The following MAPK8IP1 variants were observed in gnomAD, a reference collection of about 807,000 sequenced individuals.
MAPK8IP1 encodes the protein C-Jun-amino-terminal kinase-interacting protein 1.
In MAPK8IP1, 17 loss-of-function variants were observed where a neutral mutation model predicts 72.6. The observed-to-expected ratio is 0.23, with a 90% CI of 0.16 to 0.35. MAPK8IP1 has a LOEUF of 0.35. Ranked by LOEUF, MAPK8IP1 falls within the 10% of genes least tolerant of loss-of-function variation. The pLI is 1.00. For synonymous variants in MAPK8IP1, 401 were observed against 443.4 expected (o/e 0.90, Z 1.20); for missense variants, 789 against 1,009.7 (o/e 0.78, Z 2.96).
At chr11:45,891,837 GC>G (rs2086568674) in intron 1 of MAPK8IP1, among the ~76,000 whole-genome samples, 1 of 152,214 alleles carries the variant, frequency 6.6e-6, no homozygotes, top group Admixed American at 6.5e-5. Flanking sequence ...GATGGAACCA[GC>G]CCCCTGGTGC....
chr11:45,888,721 C>A (rs147021119), intron 1 of MAPK8IP1, among the ~76,000 whole-genome samples: 5,063 of 151,478 alleles, frequency 0.033, 129 homozygotes, highest in Middle Eastern at 0.051. Context: ...GAGACAGAGT[C>A]TCACTCTGTC....
Position 45,900,908 on chromosome 11 carries a change from G to T in MAPK8IP1, c.522+456G>T, listed in dbSNP as rs1172863950. On this transcript the variant is annotated intron_variant, in intron 3 of 11. Transcript: ENST00000241014. This position sits in a 1 kb window ranked among gnomAD's most constrained non-coding sequence, Gnocchi z 6.5. ...TGGGAGATCGTGGCGAGGTGGGGAT[G>T]GGAAGCTCAGGGGCCACAGCCAGTT... Among the ~76,000 whole-genome samples, 2 of 152,058 alleles carry T rather than the reference G, an allele frequency of 1.3e-5. No homozygotes were observed. Among genetic ancestry groups the T allele is most frequent in the East Asian group, 3.9e-4 (2 of 5,172 alleles).
chr11:45,885,967 G>A, intron 1 of MAPK8IP1, 46 bp downstream of exon 1: 1 of 1,283,730 alleles, frequency 7.8e-7, no homozygotes, highest in Non-Finnish European at 1.0e-6. Flanking sequence ...AGCGGGGACT[G>A]ATCCGCATTG....
intron 1 of MAPK8IP1, among the ~76,000 whole-genome samples, chr11:45,886,294 TG>T (rs2086526752): frequency 6.6e-6 from 1 of 152,106 alleles, no homozygotes; most frequent in Non-Finnish European, 1.5e-5. Flanking sequence ...TGAATAGAGC[TG>T]GGAACAGCCT....
intron 1 of MAPK8IP1, among the ~76,000 whole-genome samples, chr11:45,895,633 A>AAATATAT (rs1554960474): frequency 2.4e-5 from 1 of 42,514 alleles, no homozygotes; most frequent in African/African-American, 4.8e-5. Context: ...AAAAAAAAAA[A>AAATATAT]ATATATATAT....
At chr11:45,896,726 C>T in intron 1 of MAPK8IP1, 1 of 1,456,184 alleles carries the variant, frequency 6.9e-7, no homozygotes, top group Non-Finnish European at 9.0e-7. Context: ...ATGAGCTCCC[C>T]AGGCTTCTGC....
chr11:45,904,314 C>T lies in MAPK8IP1; in HGVS notation c.1667-141C>T. ...CTTTTCACGATCAAGCAAAGTGAGG[C>T]CCGGCCAAGTTGGGCAGCCAGGGAT... On this transcript the variant is annotated intron_variant, in intron 7 of 11. Transcript: ENST00000241014. The surrounding 1 kb of genome is among the most constrained non-coding windows in gnomAD (Gnocchi z 6.4). The T allele has an allele frequency of 8.3e-7, 1 of 1,203,320 alleles. No individual in the cohort carries two copies. The highest frequency in any genetic ancestry group is 1.2e-6 in the Non-Finnish European group (1 of 830,482). The allele number at this position is 1,203,320 out of a possible 1,614,324, so 74.5% of individuals were successfully genotyped here. A position where few individuals can be genotyped will look rare whatever the true frequency, so the allele number is the denominator to read the frequency against.
chr11:45,897,037 T>A, intron 1 of MAPK8IP1: 1 of 1,425,302 alleles, frequency 7.0e-7, no homozygotes, highest in East Asian at 2.5e-5. Flanking sequence ...ATGAGGCGAG[T>A]GGCAGGGAGT....
rs2086684105 is a variant in MAPK8IP1 at position 45,904,245 on chromosome 11, C to T, written c.1666+84C>T. The stretch of plus-strand genomic sequence containing the variant: ...TGCTAGGTGAACGTGTACTCCAGAT[C>T]TCAGCCAGCCAGGTGGGGGGCTGAG... On this transcript the variant is annotated intron_variant, in intron 7 of 11. Coordinates refer to ENST00000241014, the MANE Select transcript of MAPK8IP1 (RefSeq NM_005456.4). The surrounding 1 kb of genome is among the most constrained non-coding windows in gnomAD (Gnocchi z 6.4). 1.2e-5 allele frequency: 18 copies of T among 1,465,554 alleles called. No individual in the cohort carries two copies. In the South Asian group the frequency reaches 1.9e-4, roughly 15 times the overall value. 90.8% of individuals were successfully genotyped at this position (1,465,554 alleles called of 1,614,324 possible). A position where few individuals can be genotyped will look rare whatever the true frequency, so the allele number is the denominator to read the frequency against.
At chr11:45,886,857 C>T (rs1590780209) in intron 1 of MAPK8IP1, among the ~76,000 whole-genome samples, 1 of 152,156 alleles carries the variant, frequency 6.6e-6, no homozygotes, top group East Asian at 1.9e-4. Context: ...TCTCCTGGGG[C>T]ACCACCCCAG....
rs889051173 is a variant in MAPK8IP1, at chr11:45,900,544, G to A, written c.522+92G>A. 1 of 1,426,206 alleles carries A rather than the reference G, an allele frequency of 7.0e-7. No homozygotes were observed. The highest frequency in any genetic ancestry group is 2.7e-5 in the East Asian group (1 of 37,050). 88.3% of individuals were successfully genotyped at this position (1,426,206 alleles called of 1,614,324 possible). On this transcript the variant is annotated intron_variant, in intron 3 of 11. Transcript: ENST00000241014. The surrounding 1 kb of genome is among the most constrained non-coding windows in gnomAD (Gnocchi z 6.5). ...GCTGCAGCGGGAAGGGGCACCCACG[G>A]GTCCAGTGCCTGGGGACAGCGCCTG... is the stretch of plus-strand genomic sequence containing the variant.
At chr11:45,895,081 G>T (rs186294304) in intron 1 of MAPK8IP1, among the ~76,000 whole-genome samples, 56 of 152,352 alleles carry the variant, frequency 3.7e-4, no homozygotes, top group African/African-American at 1.3e-3. Context: ...TACGCATGGA[G>T]CTGGAGGCCT....
chr11:45,897,733 A>G (rs2086619346), intron 1 of MAPK8IP1, among the ~76,000 whole-genome samples: 2 of 152,144 alleles, frequency 1.3e-5, no homozygotes, highest in Admixed American at 6.5e-5. Flanking sequence ...CACATTCTCC[A>G]TGGTGAACTG....
intron 1 of MAPK8IP1, chr11:45,896,574 G>A: frequency 7.1e-6 from 9 of 1,268,534 alleles, no homozygotes; most frequent in Non-Finnish European, 8.0e-6. Flanking sequence ...GATCCCGTGA[G>A]GGAGGCGGCC....
chr11:45,891,857 G>A (rs573004968), intron 1 of MAPK8IP1, among the ~76,000 whole-genome samples: 100 of 152,308 alleles, frequency 6.6e-4, no homozygotes, highest in African/African-American at 2.3e-3. Flanking sequence ...GCTGGGTGAC[G>A]CAGGTGTTTT....
chr11:45,889,469 T>G (rs568942930), intron 1 of MAPK8IP1, among the ~76,000 whole-genome samples: 2 of 152,232 alleles, frequency 1.3e-5, no homozygotes, highest in South Asian at 4.1e-4. Flanking sequence ...AAGAAAACTC[T>G]AGAAAAGAGA....
In MAPK8IP1 at chr11:45,902,460, C is replaced by T. The variant is rs1233952190; in HGVS notation, c.693C>T (p.Thr231=). ...SGPAPTTDRG[T]STDSPCRRST... The stretch of plus-strand genomic sequence containing the variant: ...CCGCCCCCACCACAGATCGAGGCAC[C>T]TCCACCGACAGCCCTTGCCGCCGCA... The change falls in exon 5 of 12, where the codon ACC becomes ACT. Residue 231 remains threonine, a synonymous_variant. Transcript: ENST00000241014. This position sits in a 1 kb window ranked among gnomAD's most constrained non-coding sequence, Gnocchi z 9.3. The T allele has an allele frequency of 1.2e-6, 2 of 1,600,974 alleles. No individual in the cohort carries two copies.
Position 45,900,590 on chromosome 11 carries a change from G to C in MAPK8IP1, c.522+138G>C. 1.0e-6 allele frequency: 1 copy of C among 986,204 alleles called. No homozygotes were observed. The highest frequency in any genetic ancestry group is 1.6e-5 in the South Asian group (1 of 60,864). 61.1% of individuals were successfully genotyped at this position (986,204 alleles called of 1,614,324 possible). A position where few individuals can be genotyped will look rare whatever the true frequency, so the allele number is the denominator to read the frequency against. The stretch of plus-strand genomic sequence containing the variant: ...GCCTGCATAGGGGCCGCGGTGGCTC[G>C]CTCCCGGTGTTGGGATCCGAGGAGC... On this transcript the variant is annotated intron_variant, in intron 3 of 11. Coordinates refer to ENST00000241014, the MANE Select transcript of MAPK8IP1 (RefSeq NM_005456.4). The surrounding 1 kb of genome is among the most constrained non-coding windows in gnomAD (Gnocchi z 6.5).
Position 45,900,573 on chromosome 11 carries a change from A to G in MAPK8IP1, c.522+121A>G. The G allele has an allele frequency of 1.7e-6, 2 of 1,188,626 alleles. No homozygotes were observed. Among genetic ancestry groups the G allele is most frequent in the East Asian group, 2.9e-5 (1 of 34,078 alleles). The allele number at this position is 1,188,626 out of a possible 1,614,324, so 73.6% of individuals were successfully genotyped here. On this transcript the variant is annotated intron_variant, in intron 3 of 11. Transcript: ENST00000241014. This position sits in a 1 kb window ranked among gnomAD's most constrained non-coding sequence, Gnocchi z 6.5. ...CAGTGCCTGGGGACAGCGCCTGCAT[A>G]GGGGCCGCGGTGGCTCGCTCCCGGT...
Sources: gnomAD v4.1 joint callset for allele counts (sites outside exome capture counted in the v4.1 genomes callset) on GRCh38, gnomAD v4.1.1 for gene constraint, Gnocchi (gnomAD v3.1) non-coding constraint, MANE v1.5 for transcripts, NCBI Gene and HGNC (gene_info 2026-07-23, HGNC 2026-07-21) for gene names.